PTPN13: variants seen among roughly 807,000 people sequenced by gnomAD.
PTPN13 encodes the protein tyrosine-protein phosphatase non-receptor type 13.
In PTPN13, 191 loss-of-function variants were observed where a neutral mutation model predicts 284.0. The ratio of observed to expected loss-of-function variants is 0.67; its 90% confidence interval spans 0.60 to 0.76. The LOEUF (loss-of-function observed/expected upper bound fraction) is 0.76, where lower values mean the gene tolerates loss of function less well. Ranked by LOEUF, PTPN13 falls within the 30% of genes least tolerant of loss-of-function variation. PTPN13 has a pLI of 0.00. For synonymous variants in PTPN13, 986 were observed against 1,022.3 expected (o/e 0.96, Z 0.68); for missense variants, 2,797 against 2,939.9 (o/e 0.95, Z 1.12).
At chr4:86,730,800 G>A (rs1468891436) in intron 10 of PTPN13, among the ~76,000 whole-genome samples, 1 of 151,972 alleles carries the variant, frequency 6.6e-6, no homozygotes, top group Non-Finnish European at 1.5e-5. Flanking sequence ...CTCATCCTCC[G>A]ATTGCTGCAC....
intron 1 of PTPN13, among the ~76,000 whole-genome samples, chr4:86,634,964 A>G (rs1578298222): frequency 6.6e-6 from 1 of 152,180 alleles, no homozygotes; most frequent in East Asian, 1.9e-4. Context: ...GGTGCCTCCT[A>G]GTACCCTGGG....
At chr4:86,804,596 C>G (rs538111183) in intron 43 of PTPN13, among the ~76,000 whole-genome samples, 95 of 152,306 alleles carry the variant, frequency 6.2e-4, no homozygotes, top group African/African-American at 2.2e-3. Flanking sequence ...AGAAAAGTTC[C>G]ATCACAACCC....
chr4:86,776,103 G>C (rs986535757), intron 35 of PTPN13, among the ~76,000 whole-genome samples: 2 of 152,012 alleles, frequency 1.3e-5, no homozygotes, highest in Non-Finnish European at 2.9e-5. Flanking sequence ...CCGCCACCAC[G>C]CCAGGCTAAT....
chr4:86,765,504 T>C lies in PTPN13; in HGVS notation c.4243+16T>C, dbSNP rs1043636009. On this transcript the variant is annotated intron_variant, in intron 26 of 47. Transcript: ENST00000411767. The stretch of plus-strand genomic sequence containing the variant: ...ATTCACAAAGGTATAGTGTTTATAT[T>C]ATGTGGGAATTATATGTATGAATAT... 6.6e-7 allele frequency: 1 copy of C among 1,511,754 alleles called. No homozygotes were observed. 93.6% of individuals were successfully genotyped at this position (1,511,754 alleles called of 1,614,324 possible).
chr4:86,638,114 C>T (rs1287299472), intron 2 of PTPN13, among the ~76,000 whole-genome samples: 1 of 152,154 alleles, frequency 6.6e-6, no homozygotes, highest in Non-Finnish European at 1.5e-5. Context: ...AGGAATCCAA[C>T]TTACAAGGAA....
intron 2 of PTPN13, among the ~76,000 whole-genome samples, chr4:86,654,648 G>T (rs1725519231): frequency 6.6e-6 from 1 of 152,158 alleles, no homozygotes; most frequent in South Asian, 2.1e-4. Flanking sequence ...GCTGAGGAGT[G>T]CTTTACTTCC....
chr4:86,657,176 G>C (rs1250045848), intron 2 of PTPN13, among the ~76,000 whole-genome samples: 3 of 152,198 alleles, frequency 2.0e-5, no homozygotes, highest in Non-Finnish European at 4.4e-5. Context: ...CACTTCCCTG[G>C]GTAAGGTGAT....
intron 45 of PTPN13, among the ~76,000 whole-genome samples, chr4:86,808,353 A>AT (rs1744868401): frequency 6.6e-6 from 1 of 152,232 alleles, no homozygotes; most frequent in African/African-American, 2.4e-5. Context: ...TATTCAGATC[A>AT]TTCATACTGC....
At chr4:86,650,894 A>G (rs1275898719) in intron 2 of PTPN13, among the ~76,000 whole-genome samples, 1 of 152,128 alleles carries the variant, frequency 6.6e-6, no homozygotes, top group Non-Finnish European at 1.5e-5. Flanking sequence ...TTCTTTTCCA[A>G]TTTGGATGTC....
At chr4:86,788,065 G>A (rs1200754100) in intron 40 of PTPN13, among the ~76,000 whole-genome samples, 1 of 152,022 alleles carries the variant, frequency 6.6e-6, no homozygotes, top group Non-Finnish European at 1.5e-5. Context: ...TTTAAATAAT[G>A]GTAAACAAAG....
At chr4:86,761,184 C>T (rs1221007038) in intron 23 of PTPN13, among the ~76,000 whole-genome samples, 1 of 129,558 alleles carries the variant, frequency 7.7e-6, no homozygotes, top group Non-Finnish European at 1.6e-5. Context: ...ACAACACATA[C>T]ACACACTATT....
At chr4:86,746,960 C>T (rs1195255688) in intron 17 of PTPN13, among the ~76,000 whole-genome samples, 1 of 152,190 alleles carries the variant, frequency 6.6e-6, no homozygotes, top group Non-Finnish European at 1.5e-5. Flanking sequence ...TCTCTTTCTG[C>T]TTTGCTCTGC....
At chr4:86,726,977 A>G (rs9990582) in intron 10 of PTPN13, among the ~76,000 whole-genome samples, 39,083 of 148,736 alleles carry the variant, frequency 0.26, 7,305 homozygotes, top group African/African-American at 0.39. Context: ...ATTATTTTGA[A>G]GTAAGTTCCA....
At chr4:86,737,033 C>T (rs539607218) in intron 15 of PTPN13, among the ~76,000 whole-genome samples, 1 of 152,100 alleles carries the variant, frequency 6.6e-6, no homozygotes, top group Admixed American at 6.5e-5. Context: ...AATTTACATA[C>T]AATAAAATTT....
At chr4:86,758,611 G>A (rs1043162145) in intron 21 of PTPN13, 67 bp from the exon 22 acceptor site, 6 of 1,325,900 alleles carry the variant, frequency 4.5e-6, no homozygotes, top group Middle Eastern at 1.8e-4. Flanking sequence ...CTGTGTTTCA[G>A]GCAGGCTAAT....
intron 5 of PTPN13, among the ~76,000 whole-genome samples, chr4:86,691,160 G>A (rs1009142569): frequency 1.3e-5 from 2 of 151,602 alleles, no homozygotes; most frequent in Non-Finnish European, 2.9e-5. Flanking sequence ...CTGGGAGGTC[G>A]AGGCTGTAGT....
chr4:86,668,753 G>A (rs919211979), intron 2 of PTPN13, among the ~76,000 whole-genome samples: 1 of 143,142 alleles, frequency 7.0e-6, no homozygotes, highest in Admixed American at 7.1e-5. Context: ...CCACCACCAC[G>A]CCCAGCTAAT....
At chr4:86,615,373 C>A (rs1720422299) in intron 1 of PTPN13, among the ~76,000 whole-genome samples, 1 of 152,066 alleles carries the variant, frequency 6.6e-6, no homozygotes. Flanking sequence ...TGTATTTCTG[C>A]AAGCACAGGT....
intron 4 of PTPN13, among the ~76,000 whole-genome samples, chr4:86,688,481 A>C (rs2148956092): frequency 6.6e-6 from 1 of 152,228 alleles, no homozygotes; most frequent in South Asian, 2.1e-4. Context: ...TAACTAATAA[A>C]AAAAAAACCC....
Sources: allele counts gnomAD v4.1 joint callset (sites outside exome capture counted in the v4.1 genomes callset), GRCh38; gene constraint gnomAD v4.1.1; transcripts MANE v1.5; gene names NCBI Gene and HGNC (gene_info 2026-07-23, HGNC 2026-07-21).